The following L3HYPDH variants were observed in gnomAD, a reference collection of about 807,000 sequenced individuals.
L3HYPDH encodes trans-3-hydroxy-L-proline dehydratase.
Under a neutral mutation model 26.5 loss-of-function variants are expected in L3HYPDH, and 32 were observed. That is an observed-to-expected ratio of 1.21 (90% CI 0.91 to 1.62). The LOEUF (loss-of-function observed/expected upper bound fraction) is 1.62, where lower values mean the gene tolerates loss of function less well. L3HYPDH is among the 40% of genes most tolerant of loss of function. The pLI, the probability that L3HYPDH is intolerant of heterozygous loss-of-function variation, is 0.00. For missense variants in L3HYPDH, 554 were observed against 476.4 expected (o/e 1.16, Z -1.52); for synonymous variants, 215 against 196.6 (o/e 1.09, Z -0.78).
At chr14:59,495,216 C>T in the L3HYPDH span, 1 of 1,603,282 alleles carries the variant, frequency 6.2e-7, no homozygotes. Flanking sequence ...ATGAAGCCGT[C>T]TACCCACTGT....
chr14:59,483,766 C>G (rs762934254), intron 1 of L3HYPDH, 43 bp downstream of exon 1: 3 of 1,579,252 alleles, frequency 1.9e-6, no homozygotes, highest in Admixed American at 3.5e-5. Flanking sequence ...AGTCGCGTCC[C>G]GGTTGCAGCT....
At chr14:59,488,596 A>G (rs752017273), upstream of L3HYPDH, among the ~76,000 whole-genome samples, 11 of 152,186 alleles carry the variant, frequency 7.2e-5, no homozygotes, top group Non-Finnish European at 7.3e-5. Flanking sequence ...GAAAAGTAAT[A>G]TAAAGGGGAG....
rs747668066 is a variant in L3HYPDH at position 59,484,138 on chromosome 14, T to C, written c.179A>G (p.His60Arg). The change falls in exon 1 of 5, where the codon CAC becomes CGC. Residue 60 changes from histidine to arginine, a missense_variant. His to Arg is a conservative substitution (Grantham distance 29). Coordinates refer to ENST00000247194, the MANE Select transcript of L3HYPDH (RefSeq NM_144581.2). ...KRRYMRQHLDHVRRRLMFEPR... is the reference protein window; with the variant it reads ...KRRYMRQHLDRVRRRLMFEPR... ...CTCGAACATGAGCCGTCGCCGCACG[T>C]GGTCAAGGTGCTGGCGCATGTAGCG... is the stretch of plus-strand genomic sequence containing the variant. 8 of 1,601,974 alleles carry C rather than the reference T, an allele frequency of 5.0e-6. No homozygotes were observed. The highest frequency in any genetic ancestry group is 1.1e-5 in the South Asian group (1 of 90,850).
At chr14:59,470,761 G>A (rs896925509), downstream of L3HYPDH, among the ~76,000 whole-genome samples, 1 of 152,100 alleles carries the variant, frequency 6.6e-6, no homozygotes, top group African/African-American at 2.4e-5. Context: ...TAGTTGAATA[G>A]CAAAATGGAA....
At chr14:59,484,796 C>A, upstream of L3HYPDH, 1 of 899,964 alleles carries the variant, frequency 1.1e-6, no homozygotes, top group Non-Finnish European at 1.6e-6. Context: ...AGGGGAGGCG[C>A]GCTGTCTGCG....
chr14:59,497,957 G>A, the L3HYPDH span, among the ~76,000 whole-genome samples: 1 of 152,146 alleles, frequency 6.6e-6, no homozygotes, highest in Non-Finnish European at 1.5e-5. Flanking sequence ...GAAAATTAAG[G>A]TAGAACTATG....
the L3HYPDH span, among the ~76,000 whole-genome samples, chr14:59,489,605 TGGGTA>T: frequency 6.6e-6 from 1 of 152,252 alleles, no homozygotes; most frequent in Non-Finnish European, 1.5e-5. Context: ...GCTCCAAAGC[TGGGTA>T]TCTTTATAGC....
upstream of L3HYPDH, chr14:59,486,770 A>C (rs1255393068): frequency 1.3e-6 from 2 of 1,592,816 alleles, no homozygotes; most frequent in Non-Finnish European, 1.7e-6. Context: ...CTATTATTTA[A>C]AAATGGCTCA....
Position 59,484,226 on chromosome 14 carries a change from G to A in L3HYPDH, c.91C>T (p.Pro31Ser). 6.3e-7 allele frequency: 1 copy of A among 1,598,534 alleles called. No individual in the cohort carries two copies. Among genetic ancestry groups the A allele is most frequent in the Non-Finnish European group, 8.5e-7 (1 of 1,179,738 alleles). The change falls in exon 1 of 5, where the codon CCC (proline) becomes TCC (serine). Residue 31 changes from proline (P) to serine (S), a missense_variant. Transcript: ENST00000247194. The part of the protein sequence containing the change: ...SVVDMHTGGE[P>S]LRIVLAGCPE... ...CACCCCGCCAGCACGATACGCAAGG[G>A]CTCGCCGCCCGTGTGCATGTCCACC...
At chr14:59,502,768 T>TG in the L3HYPDH span, among the ~76,000 whole-genome samples, 15 of 140,322 alleles carry the variant, frequency 1.1e-4, 1 homozygote, top group African/African-American at 1.6e-4. Context: ...TTTTTTTTTT[T>TG]TTTTTCGGAG....
the L3HYPDH span, chr14:59,505,107 T>G: frequency 6.7e-6 from 3 of 451,050 alleles, no homozygotes; most frequent in South Asian, 1.6e-4. Flanking sequence ...TGATACTTGG[T>G]GGAGGTTGTG....
At chr14:59,493,190 C>G in the L3HYPDH span, among the ~76,000 whole-genome samples, 2 of 152,026 alleles carry the variant, frequency 1.3e-5, no homozygotes, top group Non-Finnish European at 2.9e-5. Flanking sequence ...AAACACATCC[C>G]AAGCAGAATA....
the L3HYPDH span, among the ~76,000 whole-genome samples, chr14:59,493,878 A>AC: frequency 6.6e-6 from 1 of 152,180 alleles, no homozygotes; most frequent in Non-Finnish European, 1.5e-5. Context: ...CAGAATAGAG[A>AC]CCCAAAACAC....
chr14:59,487,730 A>G (rs760804683), upstream of L3HYPDH: 23 of 1,613,330 alleles, frequency 1.4e-5, no homozygotes, highest in Non-Finnish European at 1.9e-5. Context: ...CTTGCACAGA[A>G]TCTCCTGAAC....
intron 1 of L3HYPDH, 51 bp downstream of exon 1, chr14:59,483,758 T>G: frequency 6.4e-7 from 1 of 1,570,896 alleles, no homozygotes; most frequent in Non-Finnish European, 8.6e-7. Context: ...ATGTAGTTAG[T>G]CGCGTCCCGG....
intron 2 of L3HYPDH, among the ~76,000 whole-genome samples, chr14:59,477,346 C>T (rs1183732928): frequency 6.6e-6 from 1 of 152,116 alleles, no homozygotes; most frequent in Non-Finnish European, 1.5e-5. Flanking sequence ...ACTCTCCATC[C>T]CCATGGCCTT....
chr14:59,469,784 G>A (rs1889268884), downstream of L3HYPDH, among the ~76,000 whole-genome samples: 1 of 152,102 alleles, frequency 6.6e-6, no homozygotes, highest in Non-Finnish European at 1.5e-5. Flanking sequence ...GGGGGAAAAT[G>A]ATCTTGGTTG....
intron 4 of L3HYPDH, 117 bp from the exon 5 acceptor site, chr14:59,473,207 G>T: frequency 1.1e-6 from 1 of 881,338 alleles, no homozygotes; most frequent in Non-Finnish European, 1.6e-6. Context: ...TAATCCTATG[G>T]GCCAGGGAAG....
downstream of L3HYPDH, among the ~76,000 whole-genome samples, chr14:59,470,577 T>C (rs1889284012): frequency 6.6e-6 from 1 of 152,138 alleles, no homozygotes; most frequent in African/African-American, 2.4e-5. Context: ...TAAGCCTAAC[T>C]GAGTGGTTCT....
Sources: allele counts gnomAD v4.1 joint callset (sites outside exome capture counted in the v4.1 genomes callset), GRCh38; gene constraint gnomAD v4.1.1; transcripts MANE v1.5; gene names NCBI Gene and HGNC (gene_info 2026-07-23, HGNC 2026-07-21).